Variants in GRM4 observed in about 807,000 individuals in gnomAD.
GRM4 encodes the protein glutamate metabotropic receptor 4.
A neutral mutation model predicts 81.7 loss-of-function variants in GRM4; 28 were observed. The ratio of observed to expected loss-of-function variants is 0.34; its 90% CI spans 0.25 to 0.47. GRM4 has a LOEUF of 0.47. Ranked by LOEUF, GRM4 falls within the 20% of genes least tolerant of loss-of-function variation. The pLI is 1.00. For missense variants in GRM4, 948 were observed against 1,290.0 expected (o/e 0.73, Z 4.06); for synonymous variants, 488 against 528.8 (o/e 0.92, Z 1.06).
At chr6:34,120,281 C>T (rs952176188) in intron 2 of GRM4, among the ~76,000 whole-genome samples, 1 of 152,094 alleles carries the variant, frequency 6.6e-6, no homozygotes, top group Admixed American at 6.5e-5. Context: ...GAGGCCTCAG[C>T]ACAGGGCCTG....
intron 4 of GRM4, 106 bp downstream of exon 4, chr6:34,061,787 G>C: frequency 8.2e-7 from 1 of 1,222,362 alleles, no homozygotes; most frequent in Non-Finnish European, 1.2e-6. Flanking sequence ...CTGGATCCCA[G>C]GGTGGGGTCA....
At position 34,092,190 on chromosome 6, in the gene GRM4, T is replaced by G. The variant is rs1768269898; in HGVS notation, c.520-91A>C. ...CCCCTACACACCAACCTCCCTTTGG[T>G]CCCCACAGCCTTGGGACCACCACAG... On this transcript the variant is annotated intron_variant, in intron 2 of 10. Transcript: ENST00000538487. The surrounding 1 kb of genome is among the most constrained non-coding windows in gnomAD (Gnocchi z 6.8). 7.3e-6 allele frequency: 6 copies of G among 826,192 alleles called. No individual in the cohort carries two copies. Among genetic ancestry groups the G allele is most frequent in the Non-Finnish European group, 1.2e-5 (6 of 513,116 alleles). 51.2% of individuals were successfully genotyped at this position (826,192 alleles called of 1,614,324 possible). A position where few individuals can be genotyped will look rare whatever the true frequency, so the allele number is the denominator to read the frequency against.
rs149379206 is a variant in GRM4 at position 34,103,086 on chromosome 6, C to T, written c.520-10987G>A. On this transcript the variant is annotated intron_variant, in intron 2 of 10. Coordinates refer to ENST00000538487, the MANE Select transcript of GRM4 (RefSeq NM_000841.4). ...GGGGCCTGTCACACCCTGTCCCCCA[C>T]TGACACCCCAGGAAGCAAACGCTGG... Among the ~76,000 whole-genome samples the T allele has an allele frequency of 2.3e-3, 352 of 152,346 alleles. 4 individuals carry two copies. The highest frequency in any genetic ancestry group is 7.6e-3 in the African/African-American group (315 of 41,572).
At position 34,152,606 on chromosome 6, in the gene GRM4, C is replaced by T. The variant is rs1771068530; in HGVS notation, c.312+2473G>A. ...GCAACCGACCCATCACCTAGACCCC[C>T]CAAAGAGGACAAAGCAGTGCTGGGG... On this transcript the variant is annotated intron_variant, in intron 1 of 8. Transcript: ENST00000374177. This position sits in a 1 kb window ranked among gnomAD's most constrained non-coding sequence, Gnocchi z 4.1. 6.6e-6 allele frequency among the ~76,000 whole-genome samples: 1 copy of T among 152,194 alleles called. No individual in the cohort carries two copies. Among genetic ancestry groups the T allele is most frequent in the Non-Finnish European group, 1.5e-5 (1 of 68,040 alleles).
In GRM4 at chr6:34,028,103, C is replaced by CGG. The variant is rs779253789; in HGVS notation, c.2689+15_2689+16dup. The CGG allele has an allele frequency of 2.5e-6, 4 of 1,603,190 alleles. No homozygotes were observed. The highest frequency in any genetic ancestry group is 3.4e-5 in the Admixed American group (2 of 59,106). ...GGGCCTGGGGCCCGAGAGGGCAGAA[C>CGG]GGGGCCAGGCACTCACCTGGGGCCT... On this transcript the variant is annotated intron_variant, in intron 10 of 10. Transcript: ENST00000538487.
chr6:34,105,361 G>A (rs778071494), intron 2 of GRM4, among the ~76,000 whole-genome samples: 15 of 152,122 alleles, frequency 9.9e-5, no homozygotes, highest in Non-Finnish European at 1.9e-4. Flanking sequence ...CTAGGTGACC[G>A]GCCGGGCTGG....
At position 34,069,584 on chromosome 6, in the gene GRM4, C is replaced by T. The variant is rs1766685714; in HGVS notation, c.737-7556G>A. The stretch of plus-strand genomic sequence containing the variant: ...ATCTGCTCCTGCGTGTGACCCCGCT[C>T]CCCAGCTCATCAGTCTCCAGCCCCT... On this transcript the variant is annotated intron_variant, in intron 3 of 10. Transcript: ENST00000538487. The surrounding 1 kb of genome is among the most constrained non-coding windows in gnomAD (Gnocchi z 6.4). Among the ~76,000 whole-genome samples, 3 of 150,632 alleles carry T rather than the reference C, an allele frequency of 2.0e-5. No homozygotes were observed. The highest frequency in any genetic ancestry group is 2.0e-4 in the Admixed American group (3 of 15,146).
rs1477161694 is a variant in GRM4 at position 34,125,505 on chromosome 6, G to GA, written c.519+7472dup. Among the ~76,000 whole-genome samples, 7 of 152,332 alleles carry GA rather than the reference G, an allele frequency of 4.6e-5. No homozygotes were observed. In the South Asian group the frequency reaches 1.4e-3, roughly 32 times the overall value. ...CTCACAGTCTTATCAACCTGCTGGGGATCCAGGAATCCAATGCTCCCCGAA... is the reference window on the plus strand; with the variant it reads ...CTCACAGTCTTATCAACCTGCTGGGGAATCCAGGAATCCAATGCTCCCCGAA... On this transcript the variant is annotated intron_variant, in intron 2 of 10. Coordinates refer to ENST00000538487, the MANE Select transcript of GRM4 (RefSeq NM_000841.4).
intron 5 of GRM4, 78 bp from the exon 6 acceptor site, chr6:34,056,762 T>C: frequency 6.7e-7 from 1 of 1,502,776 alleles, no homozygotes; most frequent in East Asian, 2.3e-5. Context: ...TCCCCCAGGA[T>C]AAGAGATGGT....
In GRM4 at chr6:34,070,247, T is replaced by C. The variant is rs1410155652; in HGVS notation, c.737-8219A>G. 6.6e-6 allele frequency among the ~76,000 whole-genome samples: 1 copy of C among 152,162 alleles called. No individual in the cohort carries two copies. Among genetic ancestry groups the C allele is most frequent in the Non-Finnish European group, 1.5e-5 (1 of 68,022 alleles). ...TCTACTTTGCTCTGGTCCACAGTGA[T>C]ACTCTGTGCTCAGCGTCCACACGCG... On this transcript the variant is annotated intron_variant, in intron 3 of 10. Coordinates refer to ENST00000538487, the MANE Select transcript of GRM4 (RefSeq NM_000841.4). The surrounding 1 kb of genome is among the most constrained non-coding windows in gnomAD (Gnocchi z 4.6).
At chr6:34,147,839 CG>C (rs1214267404), upstream of GRM4, among the ~76,000 whole-genome samples, 2 of 152,066 alleles carry the variant, frequency 1.3e-5, no homozygotes, top group African/African-American at 2.4e-5. Context: ...TGTATTTAGG[CG>C]GCTGTAAGTG....
rs543041500 is a variant in GRM4 at position 34,056,656 on chromosome 6, C to A, written c.1056G>T (p.Thr352=). 15 of 1,613,778 alleles carry A rather than the reference C, an allele frequency of 9.3e-6. No homozygotes were observed. The African/African-American group carries it at 2.0e-4, about 22-fold the overall frequency. Residue 352 remains threonine, a synonymous_variant, in exon 6 of 11, where the codon ACG becomes ACT. Coordinates refer to ENST00000538487, the MANE Select transcript of GRM4 (RefSeq NM_000841.4). ...AGATGTTGCGCCGGTTGTTGTCCAG[C>A]GTGCGGCTGGAGAAGTAGCGGTCGA... ...RGFDRYFSSR[T]LDNNRRNIWF...
intron 6 of GRM4, among the ~76,000 whole-genome samples, chr6:34,046,848 C>T (rs1179605444): frequency 6.6e-6 from 1 of 152,162 alleles, no homozygotes; most frequent in African/African-American, 2.4e-5. Flanking sequence ...GCCAGGCACA[C>T]GAAGGCTCTG....
rs376164704 is a variant in GRM4, at chr6:34,144,821, C to T, written c.-364+1179G>A. Among the ~76,000 whole-genome samples, 894 of 152,278 alleles carry T rather than the reference C, an allele frequency of 5.9e-3. 3 individuals are homozygous for T. Among genetic ancestry groups the T allele is most frequent in the Middle Eastern group, 0.017 (5 of 294 alleles). Reference sequence around the variant, plus strand: ...TGTATACAGAGACAGTACTTTCCACCGGGCCCGCAAAAAAGCCTCTGCCCC... The same window carrying T: ...TGTATACAGAGACAGTACTTTCCACTGGGCCCGCAAAAAAGCCTCTGCCCC... On this transcript the variant is annotated intron_variant, in intron 1 of 10. Transcript: ENST00000538487.
intron 2 of GRM4, among the ~76,000 whole-genome samples, chr6:34,122,398 G>A (rs568684119): frequency 1.5e-3 from 226 of 152,114 alleles, no homozygotes; most frequent in African/African-American, 5.1e-3. Flanking sequence ...ACAGCGCTGC[G>A]GGCCACCACT....
intron 2 of GRM4, among the ~76,000 whole-genome samples, chr6:34,109,999 G>A (rs985717570): frequency 3.9e-5 from 6 of 152,080 alleles, no homozygotes; most frequent in South Asian, 2.1e-4. Flanking sequence ...ACAGACACAC[G>A]GGGGACACAG....
chr6:34,050,045 G>A (rs972435258), intron 6 of GRM4, among the ~76,000 whole-genome samples: 1 of 152,106 alleles, frequency 6.6e-6, no homozygotes, highest in Non-Finnish European at 1.5e-5. Context: ...CTGCCCACAA[G>A]GCCCACATGA....
rs1182976343 is a variant in GRM4 at position 34,047,376 on chromosome 6, G to A, written c.1169-6628C>T. ...ACCTAGCCCAACATATGGATGGGGT[G>A]GAGAAAGCTGCCACTCTGTGCTTCC... On this transcript the variant is annotated intron_variant, in intron 6 of 10. Coordinates refer to ENST00000538487, the MANE Select transcript of GRM4 (RefSeq NM_000841.4). The surrounding 1 kb of genome is among the most constrained non-coding windows in gnomAD (Gnocchi z 4.5). Among the ~76,000 whole-genome samples, 1 of 152,126 alleles carries A rather than the reference G, an allele frequency of 6.6e-6. No individual in the cohort carries two copies. The highest frequency in any genetic ancestry group is 1.9e-4 in the East Asian group (1 of 5,190).
intron 3 of GRM4, among the ~76,000 whole-genome samples, chr6:34,084,880 C>G (rs1767804865): frequency 6.6e-6 from 1 of 152,186 alleles, no homozygotes; most frequent in South Asian, 2.1e-4. Context: ...TAGGCTGGAG[C>G]CCCCGCAGTC....
Sources: gnomAD v4.1 joint callset for allele counts (sites outside exome capture counted in the v4.1 genomes callset) on GRCh38, gnomAD v4.1.1 for gene constraint, Gnocchi (gnomAD v3.1) non-coding constraint, MANE v1.5 for transcripts, NCBI Gene and HGNC (gene_info 2026-07-23, HGNC 2026-07-21) for gene names.